Variants in CCSAP observed in about 807,000 individuals in gnomAD.
The protein encoded by CCSAP is centriole, cilia and spindle associated protein, also known as centriole, cilia and spindle-associated protein.
A neutral mutation model predicts 25.9 loss-of-function variants in CCSAP; 17 were observed. The ratio of observed to expected loss-of-function variants is 0.66; its 90% confidence interval spans 0.45 to 0.99. The LOEUF (loss-of-function observed/expected upper bound fraction) is 0.99, where lower values mean the gene tolerates loss of function less well. Among genes scored for constraint, CCSAP ranks in the 50% least tolerant of loss-of-function variants. The pLI, the probability that CCSAP is intolerant of heterozygous loss-of-function variation, is 0.00. For synonymous variants in CCSAP, 169 were observed against 157.1 expected, an observed-to-expected ratio of 1.08 and a Z score of -0.57; for missense variants, 339 against 367.8, an observed-to-expected ratio of 0.92 and a Z score of 0.64.
chr1:229,324,217 A>C lies in CCSAP; in HGVS notation c.*1018T>G, dbSNP rs1214489902. 2.6e-5 allele frequency: 4 copies of C among 152,600 alleles called. No homozygotes were observed. The highest frequency in any genetic ancestry group is 9.7e-5 in the African/African-American group (4 of 41,440). The allele number at this position is 152,600 out of a possible 1,614,324, so 9.5% of individuals were successfully genotyped here. ...GTTATTGTTAAGTGCTATAAAGAAAAAGAGAAAGTAGGGGTGGGCAGTCTA... is the reference window on the plus strand; with the variant it reads ...GTTATTGTTAAGTGCTATAAAGAAACAGAGAAAGTAGGGGTGGGCAGTCTA... On this transcript the variant is annotated 3_prime_UTR_variant, in exon 4 of 4. Coordinates refer to ENST00000284617, the MANE Select transcript of CCSAP (RefSeq NM_145257.5).
chr1:229,334,888 G>A (rs932175773), intron 2 of CCSAP, among the ~76,000 whole-genome samples: 1 of 152,142 alleles, frequency 6.6e-6, no homozygotes, highest in African/African-American at 2.4e-5. Context: ...ATGACATCAG[G>A]CAAAAGGCAT....
chr1:229,339,986 T>C (rs1304372348), intron 2 of CCSAP, among the ~76,000 whole-genome samples: 1 of 152,128 alleles, frequency 6.6e-6, no homozygotes, highest in African/African-American at 2.4e-5. Flanking sequence ...ATAAAAGCCA[T>C]GTTACTTGGA....
chr1:229,341,450 C>T (rs1243224806), intron 2 of CCSAP, among the ~76,000 whole-genome samples: 2 of 152,176 alleles, frequency 1.3e-5, no homozygotes, highest in Non-Finnish European at 2.9e-5. Flanking sequence ...GTGAAGGGGC[C>T]ATGCCTTGAA....
At chr1:229,338,429 G>C (rs568233065) in intron 2 of CCSAP, among the ~76,000 whole-genome samples, 1 of 151,988 alleles carries the variant, frequency 6.6e-6, no homozygotes, top group South Asian at 2.1e-4. Flanking sequence ...AAAAGAAAAC[G>C]TGACTATGAA....
rs1657910429 is a variant in CCSAP, at chr1:229,325,119, CTTGCATAATCAG to C, written c.*104_*115del. The C allele has an allele frequency of 4.8e-6, 5 of 1,038,252 alleles. No individual in the cohort carries two copies. The Admixed American group carries it at 8.3e-5, about 17-fold the overall frequency. 64.3% of individuals were successfully genotyped at this position (1,038,252 alleles called of 1,614,324 possible). ...CTTTTACAAATTCCCTAAAAAAAAC[CTTGCATAATCAG>C]TTGGTTTCTTAAACCTGTGTCCGTT... On this transcript the variant is annotated 3_prime_UTR_variant, in exon 4 of 4. Transcript: ENST00000284617.
intron 2 of CCSAP, among the ~76,000 whole-genome samples, chr1:229,328,270 C>CCA (rs1188984926): frequency 6.6e-6 from 1 of 152,068 alleles, no homozygotes; most frequent in Admixed American, 6.6e-5. Context: ...TTCAGATGCT[C>CCA]CAGAGTTTTG....
Position 229,342,544 on chromosome 1 carries a change from G to T in CCSAP, c.-48-31C>A. 1 of 979,524 alleles carries T rather than the reference G, an allele frequency of 1.0e-6. No homozygotes were observed. Among genetic ancestry groups the T allele is most frequent in the Non-Finnish European group, 1.3e-6 (1 of 754,606 alleles). 60.7% of individuals were successfully genotyped at this position (979,524 alleles called of 1,614,324 possible). On this transcript the variant is annotated intron_variant, in intron 1 of 3. Coordinates refer to ENST00000284617, the MANE Select transcript of CCSAP (RefSeq NM_145257.5). The surrounding 1 kb of genome is among the most constrained non-coding windows in gnomAD (Gnocchi z 7.5). The stretch of plus-strand genomic sequence containing the variant: ...GGACCCGGTACACGACACAGAGGCC[G>T]CCCCGCCCCTCCGCCGGCCCTGCCC...
At chr1:229,337,706 C>CATATATATATATATAT (rs397733324) in intron 2 of CCSAP, among the ~76,000 whole-genome samples, 111 of 88,538 alleles carry the variant, frequency 1.3e-3, no homozygotes, top group Middle Eastern at 5.1e-3. Flanking sequence ...TATACACATA[C>CATATATATATATATAT]ATATATATAT....
intron 2 of CCSAP, among the ~76,000 whole-genome samples, chr1:229,330,845 A>G (rs72749842): frequency 6.6e-6 from 1 of 151,078 alleles, no homozygotes; most frequent in African/African-American, 2.4e-5. Flanking sequence ...AAAAAAAAAA[A>G]AAAAAAGAAA....
At chr1:229,325,474 G>T in intron 3 of CCSAP, 63 bp from the exon 4 acceptor site, 1 of 1,504,496 alleles carries the variant, frequency 6.6e-7, no homozygotes, top group Non-Finnish European at 9.0e-7. Flanking sequence ...GTTCAACAGA[G>T]GTTGCAATGA....
intron 2 of CCSAP, among the ~76,000 whole-genome samples, chr1:229,328,741 G>A (rs1165930699): frequency 6.6e-6 from 1 of 152,202 alleles, no homozygotes; most frequent in African/African-American, 2.4e-5. Context: ...GGGAACCGCT[G>A]CATGGGCAGT....
rs2102689539 is a variant in CCSAP at position 229,323,328 on chromosome 1, TC to T, written c.*1906del. The T allele has an allele frequency of 6.6e-6, 1 of 152,312 alleles. No homozygotes were observed. The highest frequency in any genetic ancestry group is 2.1e-4 in the South Asian group (1 of 4,828). The allele number at this position is 152,312 out of a possible 1,614,324, so 9.4% of individuals were successfully genotyped here. ...AAGAGAAAAGTCTGGCGGTTCAAAG[TC>T]TAGAGGAAGTCGGGTTTCTAAGGCA... is the stretch of plus-strand genomic sequence containing the variant. On this transcript the variant is annotated 3_prime_UTR_variant, in exon 4 of 4. Transcript: ENST00000284617.
In CCSAP at chr1:229,342,703, G is replaced by C. The variant is rs890861811; in HGVS notation, c.-48-190C>G. The stretch of plus-strand genomic sequence containing the variant: ...AAGAGCAGAGGCGGGGACCGGGGCT[G>C]CTGGGGTCGAGGGGCGCGCCGCCGA... On this transcript the variant is annotated intron_variant, in intron 1 of 3. Coordinates refer to ENST00000284617, the MANE Select transcript of CCSAP (RefSeq NM_145257.5). This position sits in a 1 kb window ranked among gnomAD's most constrained non-coding sequence, Gnocchi z 7.5. Among the ~76,000 whole-genome samples the C allele has an allele frequency of 1.3e-5, 2 of 152,048 alleles. No individual in the cohort carries two copies. Among genetic ancestry groups the C allele is most frequent in the Non-Finnish European group, 2.9e-5 (2 of 67,994 alleles).
At chr1:229,325,496 G>A in intron 3 of CCSAP, 85 bp from the exon 4 acceptor site, 2 of 1,314,122 alleles carry the variant, frequency 1.5e-6, no homozygotes, top group Non-Finnish European at 2.1e-6. Flanking sequence ...GCTGGCTACT[G>A]CCAGGTCAAC....
Position 229,328,252 on chromosome 1 carries a change from C to T in CCSAP, c.368-1246G>A, listed in dbSNP as rs146551130. On this transcript the variant is annotated intron_variant, in intron 2 of 3. Coordinates refer to ENST00000284617, the MANE Select transcript of CCSAP (RefSeq NM_145257.5). ...CCCCAGTTGTTTAGGCCACAGGAGA[C>T]CCTTTGTTTCAGATGCTCCAGAGTT... 1.1e-3 allele frequency among the ~76,000 whole-genome samples: 174 copies of T among 152,196 alleles called. 1 individual carries two copies. Among genetic ancestry groups the T allele is most frequent in the African/African-American group, 4.0e-3 (165 of 41,534 alleles).
intron 2 of CCSAP, among the ~76,000 whole-genome samples, chr1:229,329,710 G>T (rs553765333): frequency 4.0e-4 from 61 of 152,296 alleles, no homozygotes; most frequent in Non-Finnish European, 8.2e-4. Context: ...GGCCCCTCCA[G>T]CCAGGTACGG....
chr1:229,325,263 T>C lies in CCSAP; in HGVS notation c.785A>G (p.Tyr262Cys). The part of the protein sequence containing the change: ...SSSENPWMTE[Y>C]MRCYSARA ...AGCTCTTGCCGAATAGCACCTCATG[T>C]ATTCTGTCATCCACGGGTTCTCTGA... is the stretch of plus-strand genomic sequence containing the variant. The change falls in exon 4 of 4, where the codon TAC (tyrosine) becomes TGC (cysteine). Residue 262 changes from tyrosine (Y) to cysteine (C), a missense_variant. Coordinates refer to ENST00000284617, the MANE Select transcript of CCSAP (RefSeq NM_145257.5). 2 of 1,613,510 alleles carry C rather than the reference T, an allele frequency of 1.2e-6. No homozygotes were observed. Among genetic ancestry groups the C allele is most frequent in the Non-Finnish European group, 1.7e-6 (2 of 1,179,874 alleles).
rs1657823232 is a variant in CCSAP at position 229,321,482 on chromosome 1, CGTT to C, written c.*3750_*3752del. Reference sequence around the variant, plus strand: ...TACAAAAATTCATTTCAAATGCAAACGTTGTGCAATGACCAGGTCATATTTTTA... The same window carrying C: ...TACAAAAATTCATTTCAAATGCAAACGTGCAATGACCAGGTCATATTTTTA... On this transcript the variant is annotated 3_prime_UTR_variant, in exon 4 of 4. Coordinates refer to ENST00000284617, the MANE Select transcript of CCSAP (RefSeq NM_145257.5). 1 of 152,098 alleles carries C rather than the reference CGTT, an allele frequency of 6.6e-6. No homozygotes were observed. Among genetic ancestry groups the C allele is most frequent in the Non-Finnish European group, 1.5e-5 (1 of 68,034 alleles). The allele number at this position is 152,098 out of a possible 1,614,324, so 9.4% of individuals were successfully genotyped here. A position where few individuals can be genotyped will look rare whatever the true frequency, so the allele number is the denominator to read the frequency against.
intron 2 of CCSAP, among the ~76,000 whole-genome samples, chr1:229,338,920 A>G (rs1227675547): frequency 6.6e-6 from 1 of 152,102 alleles, no homozygotes; most frequent in Non-Finnish European, 1.5e-5. Flanking sequence ...TAAAAGAAAA[A>G]TAGGATCCCT....
Sources: allele counts gnomAD v4.1 joint callset (sites outside exome capture counted in the v4.1 genomes callset), GRCh38; gene constraint gnomAD v4.1.1; non-coding constraint Gnocchi (gnomAD v3.1); transcripts MANE v1.5; gene names NCBI Gene and HGNC (gene_info 2026-07-23, HGNC 2026-07-21).